The following RAB5C variants were observed in gnomAD, a reference collection of about 807,000 sequenced individuals.
RAB5C encodes ras-related protein Rab-5C.
In RAB5C, 4 loss-of-function variants were observed where a neutral mutation model predicts 25.2. The observed-to-expected ratio is 0.16, with a 90% confidence interval of 0.08 to 0.36. The LOEUF is 0.36. Among genes scored for constraint, RAB5C ranks in the 10% least tolerant of loss-of-function variants. RAB5C has a pLI of 1.00. For synonymous variants in RAB5C, 100 were observed against 106.4 expected (o/e 0.94, Z 0.37); for missense variants, 199 against 283.8 (o/e 0.70, Z 2.15).
rs777690967 is a variant in RAB5C at position 42,128,353 on chromosome 17, T to C, written c.349A>G (p.Lys117Glu). ...GGGCTGGCCTGCCTCTGTAGCTCCTTCACCCAGTTCTTGGCCCGTGCAAAT... is the reference window on the plus strand; with the variant it reads ...GGGCTGGCCTGCCTCTGTAGCTCCTCCACCCAGTTCTTGGCCCGTGCAAAT... ...DTFARAKNWV[K>E]ELQRQASPNI... The change falls in exon 4 of 6, where the codon AAG (lysine) becomes GAG (glutamate). Residue 117 changes from lysine (K) to glutamate (E), a missense_variant. Coordinates refer to ENST00000346213, the MANE Select transcript of RAB5C (RefSeq NM_004583.4). 6.2e-7 allele frequency: 1 copy of C among 1,613,950 alleles called. No individual in the cohort carries two copies. The highest frequency in any genetic ancestry group is 1.3e-5 in the African/African-American group (1 of 74,930).
chr17:42,154,140 G>C (rs545456073), intron 1 of RAB5C, among the ~76,000 whole-genome samples: 3 of 152,288 alleles, frequency 2.0e-5, no homozygotes, highest in African/African-American at 2.4e-5. Flanking sequence ...CTGGAGCAAG[G>C]GGGGAGGGGA....
At chr17:42,131,381 TACACACACACAAAC>T (rs2054483901) in intron 1 of RAB5C, among the ~76,000 whole-genome samples, 1 of 149,396 alleles carries the variant, frequency 6.7e-6, no homozygotes, top group Admixed American at 6.7e-5. Flanking sequence ...CACACACCGA[TACACACACACAAAC>T]ACACACAGAA....
At chr17:42,148,726 A>T (rs2079652222) in intron 1 of RAB5C, among the ~76,000 whole-genome samples, 1 of 152,244 alleles carries the variant, frequency 6.6e-6, no homozygotes, top group Admixed American at 6.5e-5. Context: ...TTGAGAGAAA[A>T]GTAGGGAGAT....
chr17:42,135,889 G>C (rs1315177211), intron 1 of RAB5C, among the ~76,000 whole-genome samples: 1 of 152,164 alleles, frequency 6.6e-6, no homozygotes, highest in Non-Finnish European at 1.5e-5. Flanking sequence ...AAGCTGATTA[G>C]GGAAACCAAT....
chr17:42,154,262 C>T (rs878990581), intron 1 of RAB5C, among the ~76,000 whole-genome samples: 2 of 152,188 alleles, frequency 1.3e-5, no homozygotes, highest in Admixed American at 6.5e-5. Context: ...CAAAGAACAA[C>T]ATAACTAGAG....
intron 1 of RAB5C, among the ~76,000 whole-genome samples, chr17:42,148,949 T>C (rs765700841): frequency 1.2e-4 from 18 of 152,136 alleles, no homozygotes; most frequent in Non-Finnish European, 2.2e-4. Flanking sequence ...AGTCAACACA[T>C]AGGGCTCACA....
At position 42,154,977 on chromosome 17, in the gene RAB5C, G is replaced by C. The variant is rs2079698939; in HGVS notation, c.-173C>G. ...CCCCGCCGGCGGTGTCCCAGGCTCC[G>C]GCCTCCACTTCCGCCTTTCAGCCGC... is the stretch of plus-strand genomic sequence containing the variant. On this transcript the variant is annotated 5_prime_UTR_variant, in exon 1 of 6. Transcript: ENST00000346213. 1 of 152,266 alleles carries C rather than the reference G, an allele frequency of 6.6e-6. No individual in the cohort carries two copies. The highest frequency in any genetic ancestry group is 2.1e-4 in the South Asian group (1 of 4,834). 9.4% of individuals were successfully genotyped at this position (152,266 alleles called of 1,614,324 possible).
chr17:42,153,817 T>C (rs1376013148), intron 1 of RAB5C, among the ~76,000 whole-genome samples: 1 of 152,244 alleles, frequency 6.6e-6, no homozygotes, highest in Non-Finnish European at 1.5e-5. Flanking sequence ...CTGCACTTTC[T>C]GGCATGTATC....
chr17:42,126,002 C>T lies in RAB5C; in HGVS notation c.536-104G>A, dbSNP rs2054419248. 21 of 786,814 alleles carry T rather than the reference C, an allele frequency of 2.7e-5. 1 individual carries two copies. The East Asian group carries it at 5.4e-4, about 20-fold the overall frequency. The allele number at this position is 786,814 out of a possible 1,614,324, so 48.7% of individuals were successfully genotyped here. Reference sequence around the variant, plus strand: ...TTTATACCCAATCAGTGGTAACTCACATATTGAGGGCTTCTGTGTGTCAGG... The same window carrying T: ...TTTATACCCAATCAGTGGTAACTCATATATTGAGGGCTTCTGTGTGTCAGG... On this transcript the variant is annotated intron_variant, in intron 5 of 5. Coordinates refer to ENST00000346213, the MANE Select transcript of RAB5C (RefSeq NM_004583.4).
In RAB5C at chr17:42,130,471, T is replaced by C. The variant is rs751777474; in HGVS notation, c.32A>G (p.Asn11Ser). The change falls in exon 2 of 6, where the codon AAT becomes AGT. Residue 11 changes from asparagine (N) to serine (S), a missense_variant. Physicochemically the swap from Asn to Ser is conservative, Grantham distance 46 (BLOSUM62 1). Transcript: ENST00000346213. ...GATCTTGTTCCCAGCAGCTGGTCCA[T>C]TGGGTCGTGCTGCGCCTCCCCGACC... MAGRGGAARP[N>S]GPAAGNKICQ... 1.4e-5 allele frequency: 23 copies of C among 1,613,966 alleles called. No individual in the cohort carries two copies. Among genetic ancestry groups the C allele is most frequent in the South Asian group, 5.5e-5 (5 of 91,082 alleles).
intron 1 of RAB5C, among the ~76,000 whole-genome samples, chr17:42,151,513 G>A (rs1321517926): frequency 6.6e-6 from 1 of 152,064 alleles, no homozygotes; most frequent in Non-Finnish European, 1.5e-5. Context: ...ATCTTGCTCT[G>A]TTTCCATGTA....
intron 1 of RAB5C, chr17:42,154,509 G>T (rs1278880548): frequency 6.6e-6 from 1 of 152,252 alleles, no homozygotes; most frequent in Non-Finnish European, 1.5e-5. Context: ...TGGTTTTGTG[G>T]GACAGGAGGA....
chr17:42,125,983 C>T (rs886393087), intron 5 of RAB5C, 85 bp from the exon 6 acceptor site: 3 of 994,674 alleles, frequency 3.0e-6, no homozygotes, highest in Admixed American at 4.2e-5. Flanking sequence ...GGCCTTTATA[C>T]CCAATCAGTG....
At chr17:42,135,722 A>G (rs1030054644) in intron 1 of RAB5C, among the ~76,000 whole-genome samples, 1 of 152,268 alleles carries the variant, frequency 6.6e-6, no homozygotes, top group East Asian at 1.9e-4. Context: ...TCCCTTTGAA[A>G]GTTTCACCTT....
At chr17:42,133,216 CAG>C (rs2054503874) in intron 1 of RAB5C, among the ~76,000 whole-genome samples, 1 of 152,158 alleles carries the variant, frequency 6.6e-6, no homozygotes, top group Admixed American at 6.6e-5. Flanking sequence ...CCACGTGACA[CAG>C]AGTCTTGGCT....
chr17:42,136,699 G>A (rs534708764), intron 1 of RAB5C, among the ~76,000 whole-genome samples: 2 of 152,114 alleles, frequency 1.3e-5, no homozygotes, highest in Non-Finnish European at 2.9e-5. Context: ...GCTAGAATTG[G>A]TAGTCAGAGC....
intron 1 of RAB5C, among the ~76,000 whole-genome samples, chr17:42,135,130 C>T (rs1315747335): frequency 1.3e-5 from 2 of 151,838 alleles, no homozygotes; most frequent in South Asian, 2.1e-4. Flanking sequence ...TATAGGTATA[C>T]GTCATTACAC....
intron 1 of RAB5C, among the ~76,000 whole-genome samples, chr17:42,152,730 G>C (rs1182377227): frequency 6.6e-6 from 1 of 151,088 alleles, no homozygotes; most frequent in Admixed American, 6.6e-5. Context: ...AGTGAGCCAA[G>C]ATTGTGCCAC....
chr17:42,149,885 T>G (rs1373698591), intron 1 of RAB5C, among the ~76,000 whole-genome samples: 1 of 149,932 alleles, frequency 6.7e-6, no homozygotes, highest in Non-Finnish European at 1.5e-5. Context: ...GGTTTTTTTT[T>G]TTTTTTTTTT....
Sources: gnomAD v4.1 joint callset for allele counts (sites outside exome capture counted in the v4.1 genomes callset) on GRCh38, gnomAD v4.1.1 for gene constraint, MANE v1.5 for transcripts, NCBI Gene and HGNC (gene_info 2026-07-23, HGNC 2026-07-21) for gene names.